USP47: variants seen among roughly 807,000 people sequenced by gnomAD.
USP47 encodes the protein ubiquitin specific peptidase 47.
Under a neutral mutation model 165.1 loss-of-function variants are expected in USP47, and 35 were observed. The observed-to-expected ratio is 0.21, with a 90% CI of 0.16 to 0.28. USP47 has a LOEUF of 0.28. Among genes scored for constraint, USP47 ranks in the 10% least tolerant of loss-of-function variants. The probability of loss-of-function intolerance (pLI) is 1.00; values close to 1 mark genes in which losing one functional copy is unlikely to be tolerated. For missense variants in USP47, 1,277 were observed against 1,607.4 expected (o/e 0.79, Z 3.52); for synonymous variants, 531 against 544.5 (o/e 0.98, Z 0.35).
At chr11:11,871,330 C>G (rs762165572) in intron 1 of USP47, among the ~76,000 whole-genome samples, 1 of 151,304 alleles carries the variant, frequency 6.6e-6, no homozygotes, top group East Asian at 1.9e-4. Flanking sequence ...GGTGAAACCC[C>G]GTCTCTACTA....
At chr11:11,940,374 G>T (rs1279006205) in intron 18 of USP47, 55 bp from the exon 19 acceptor site, 3 of 1,531,588 alleles carry the variant, frequency 2.0e-6, no homozygotes, top group Non-Finnish European at 1.8e-6. Context: ...ATATTTTTAA[G>T]TCAAGCAGAA....
intron 4 of USP47, among the ~76,000 whole-genome samples, chr11:11,892,841 GA>G (rs1234499388): frequency 2.0e-3 from 252 of 128,298 alleles, no homozygotes; most frequent in South Asian, 7.2e-3. Context: ...AAAAGAAAAA[GA>G]AAAAAAAAAT....
chr11:11,914,690 A>G (rs1199044932), intron 8 of USP47, among the ~76,000 whole-genome samples: 12 of 152,210 alleles, frequency 7.9e-5, no homozygotes, highest in Non-Finnish European at 2.9e-5. Context: ...AAATTCATCT[A>G]GACAATTGGC....
intron 15 of USP47, 143 bp downstream of exon 15, chr11:11,933,259 A>C: frequency 1.4e-6 from 1 of 736,614 alleles, no homozygotes; most frequent in Non-Finnish European, 2.2e-6. Flanking sequence ...CTATACTATA[A>C]AGGTAAAATT....
At chr11:11,901,563 TAA>T (rs765841260) in intron 5 of USP47, among the ~76,000 whole-genome samples, 1 of 152,208 alleles carries the variant, frequency 6.6e-6, no homozygotes, top group Non-Finnish European at 1.5e-5. Context: ...CTGTTTATCA[TAA>T]GTTTGTGAGG....
intron 2 of USP47, among the ~76,000 whole-genome samples, chr11:11,882,426 A>G (rs1850891811): frequency 6.6e-6 from 1 of 152,154 alleles, no homozygotes. Context: ...TTTTTATTCC[A>G]TAATATATTT....
intron 1 of USP47, among the ~76,000 whole-genome samples, chr11:11,842,484 G>C (rs559528269): frequency 3.5e-4 from 53 of 152,352 alleles, no homozygotes; most frequent in Admixed American, 9.1e-4. Context: ...AAAGAATCAG[G>C]TTCTGCTCTA....
At chr11:11,952,988 G>C in intron 25 of USP47, 117 bp downstream of exon 25, 10 of 865,694 alleles carry the variant, frequency 1.2e-5, no homozygotes, top group Non-Finnish European at 1.4e-5. Flanking sequence ...AGAAAACCTA[G>C]GAAGTAGTAC....
chr11:11,901,321 GTGGGGAAATAGTAATC>G (rs1852214583), intron 5 of USP47, among the ~76,000 whole-genome samples: 1 of 152,146 alleles, frequency 6.6e-6, no homozygotes, highest in African/African-American at 2.4e-5. Context: ...AAACTAAAAA[GTGGGGAAATAGTAATC>G]TTACTCCTAA....
chr11:11,935,039 C>T (rs897450393), intron 16 of USP47, among the ~76,000 whole-genome samples: 1 of 152,062 alleles, frequency 6.6e-6, no homozygotes, highest in Non-Finnish European at 1.5e-5. Context: ...CTAATTGCTG[C>T]AGATGAATCA....
intron 8 of USP47, among the ~76,000 whole-genome samples, chr11:11,908,527 ATAGG>A (rs1286668548): frequency 6.6e-6 from 1 of 152,036 alleles, no homozygotes; most frequent in East Asian, 1.9e-4. Context: ...CTTGCAAATA[ATAGG>A]TAGGATTAAA....
intron 1 of USP47, among the ~76,000 whole-genome samples, chr11:11,846,918 CT>C (rs1199587303): frequency 2.0e-5 from 3 of 152,030 alleles, no homozygotes; most frequent in Non-Finnish European, 2.9e-5. Flanking sequence ...TTGACTCTCT[CT>C]TACCAGTAAG....
intron 10 of USP47, 139 bp from the exon 11 acceptor site, chr11:11,922,585 A>G (rs1853911886): frequency 1.6e-6 from 1 of 624,380 alleles, no homozygotes; most frequent in Admixed American, 4.1e-5. Context: ...TTTAAGAGAA[A>G]ATAAATGTAC....
At chr11:11,951,309 C>T (rs975901789) in intron 24 of USP47, 6 of 152,166 alleles carry the variant, frequency 3.9e-5, no homozygotes, top group Non-Finnish European at 7.3e-5. Flanking sequence ...ACTGGAAAGA[C>T]CCTATTTCCA....
chr11:11,955,122 G>C lies in USP47; in HGVS notation c.3851G>C (p.Trp1284Ser). 1 of 1,613,786 alleles carries C rather than the reference G, an allele frequency of 6.2e-7. No individual in the cohort carries two copies. Among genetic ancestry groups the C allele is most frequent in the Non-Finnish European group, 8.5e-7 (1 of 1,179,880 alleles). ...CCTAAAGTTTCTACCCTGAATGTCT[G>C]GCCTCTTTATATCTGTGATGATGGT... ...WNPKVSTLNV[W>S]PLYICDDGAV... is the part of the protein sequence containing the mutation. The change falls in exon 27 of 28, where the codon TGG (tryptophan) becomes TCG (serine). Residue 1284 changes from tryptophan (W) to serine (S), a missense_variant. This residue lies in a region of USP47 where 909 missense variants were observed against 1,068.1 expected (regional missense o/e 0.85). Coordinates refer to ENST00000527733, the MANE Select transcript of USP47 (RefSeq NM_001282659.2).
chr11:11,916,463 T>A (rs918517402), intron 8 of USP47, among the ~76,000 whole-genome samples: 1 of 151,736 alleles, frequency 6.6e-6, no homozygotes, highest in Non-Finnish European at 1.5e-5. Flanking sequence ...AGAAATAGAT[T>A]TAAAAAACAA....
intron 19 of USP47, among the ~76,000 whole-genome samples, chr11:11,941,682 AT>A: frequency 2.0e-5 from 3 of 152,094 alleles, no homozygotes; most frequent in Non-Finnish European, 2.9e-5. Flanking sequence ...TATAGATAAT[AT>A]GAACATATAT....
rs1195059907 is a variant in USP47, at chr11:11,960,211, C to T, written c.*4036C>T. 6.6e-6 allele frequency among the ~76,000 whole-genome samples: 1 copy of T among 152,182 alleles called. No individual in the cohort carries two copies. Among genetic ancestry groups the T allele is most frequent in the Admixed American group, 6.5e-5 (1 of 15,282 alleles). On this transcript the variant is annotated 3_prime_UTR_variant, in exon 28 of 28. Transcript: ENST00000527733. ...CCAAGATGTGCTGTCCCTGCCAACT[C>T]CTGCACCAGCTTGACTGGTGGTGGA...
At chr11:11,865,685 ATCTC>A (rs554962771) in intron 1 of USP47, among the ~76,000 whole-genome samples, 36 of 151,224 alleles carry the variant, frequency 2.4e-4, no homozygotes, top group South Asian at 6.3e-4. Flanking sequence ...TATTTTCCTT[ATCTC>A]TCTCTCTTTT....
Sources: gnomAD v4.1 joint callset for allele counts (sites outside exome capture counted in the v4.1 genomes callset) on GRCh38, gnomAD v4.1.1 for gene constraint, gnomAD v4.1.1 regional missense constraint, MANE v1.5 for transcripts, NCBI Gene and HGNC (gene_info 2026-07-23, HGNC 2026-07-21) for gene names.